Variants in TRIP6 observed in about 807,000 individuals in gnomAD.
TRIP6 encodes thyroid receptor-interacting protein 6.
Under a neutral mutation model 51.9 loss-of-function variants are expected in TRIP6, and 33 were observed. The ratio of observed to expected loss-of-function variants is 0.64; its 90% CI spans 0.48 to 0.85. The LOEUF is 0.85. Among genes scored for constraint, TRIP6 ranks in the 40% least tolerant of loss-of-function variants. The pLI, the probability that TRIP6 is intolerant of heterozygous loss-of-function variation, is 0.00. For synonymous variants in TRIP6, 255 were observed against 275.8 expected, an observed-to-expected ratio of 0.92 and a Z score of 0.75; for missense variants, 661 against 652.1, an observed-to-expected ratio of 1.01 and a Z score of -0.15.
chr7:100,869,103 C>T (rs908544774), intron 4 of TRIP6, among the ~76,000 whole-genome samples: 1 of 151,952 alleles, frequency 6.6e-6, no homozygotes, highest in African/African-American at 2.4e-5. Flanking sequence ...CACGCTGCCA[C>T]GCTTGGTTAA....
chr7:100,870,292 C>T, intron 4 of TRIP6, 78 bp from the exon 5 acceptor site: 1 of 1,452,684 alleles, frequency 6.9e-7, no homozygotes, highest in Non-Finnish European at 9.5e-7. Context: ...CCTAACAGGC[C>T]ATGGCCTGGC....
chr7:100,873,255 C>T lies in TRIP6; in HGVS notation c.1383C>T (p.Ser461=), dbSNP rs144661552. 3.8e-5 allele frequency: 62 copies of T among 1,613,130 alleles called. No homozygotes were observed. Among genetic ancestry groups the T allele is most frequent in the Middle Eastern group, 3.3e-4 (2 of 6,048 alleles). ...GGCACATCTTGTGCAAGGCCTGCAG[C>T]GCCTGGCGCATCCAGGAGCTCTCAG... ...LDGHILCKAC[S]AWRIQELSAT... Residue 461 remains serine (S), a synonymous_variant, in exon 9 of 9, where the codon AGC becomes AGT. Coordinates refer to ENST00000200457, the MANE Select transcript of TRIP6 (RefSeq NM_003302.3).
chr7:100,867,663 C>A lies in TRIP6; in HGVS notation c.109+57C>A. ...CCCAGCTGTGGCGCTCACCTCTGTCCTACCGCTCCAGCCTCCCGCCCTGGC... is the reference window on the plus strand; with the variant it reads ...CCCAGCTGTGGCGCTCACCTCTGTCATACCGCTCCAGCCTCCCGCCCTGGC... On this transcript the variant is annotated intron_variant, in intron 1 of 8. Transcript: ENST00000200457. This position sits in a 1 kb window ranked among gnomAD's most constrained non-coding sequence, Gnocchi z 5.4. 6.4e-7 allele frequency: 1 copy of A among 1,566,382 alleles called. No individual in the cohort carries two copies. The highest frequency in any genetic ancestry group is 8.7e-7 in the Non-Finnish European group (1 of 1,155,872).
rs746328509 is a variant in TRIP6 at position 100,870,427 on chromosome 7, C to T, written c.793C>T (p.His265Tyr). The T allele has an allele frequency of 9.3e-6, 15 of 1,613,100 alleles. No individual in the cohort carries two copies. In the Middle Eastern group the frequency reaches 5.5e-4, roughly 60 times the overall value. Reference protein sequence around the residue: ...ELDRLTKKLVHDMNHPPSGEY... With the variant: ...ELDRLTKKLVYDMNHPPSGEY... ...GGATAGGCTGACGAAGAAGCTGGTT[C>T]ACGACATGAACCACCCGCCCAGCGG... The change falls in exon 5 of 9, where the codon CAC (histidine) becomes TAC (tyrosine). Residue 265 changes from histidine to tyrosine, a missense_variant. His to Tyr is a moderately conservative substitution (Grantham distance 83). Coordinates refer to ENST00000200457, the MANE Select transcript of TRIP6 (RefSeq NM_003302.3).
Position 100,873,174 on chromosome 7 carries a change from G to A in TRIP6, c.1302G>A (p.Glu434=), listed in dbSNP as rs762123196. 10 of 1,611,644 alleles carry A rather than the reference G, an allele frequency of 6.2e-6. No individual in the cohort carries two copies. The East Asian group carries it at 2.0e-4, about 32-fold the overall frequency. The stretch of plus-strand genomic sequence containing the variant: ...AATTGTTGCTTCTTTTTCAACAGGA[G>A]TGTGGGCTGCTGCTCTCCTCTGAGG... ...SFHIGCYKCE[E]CGLLLSSEGE... is the part of the protein sequence containing the mutation. The change falls in exon 9 of 9, where the codon GAG becomes GAA. Residue 434 remains glutamate, a splice_region_variant and synonymous_variant. Coordinates refer to ENST00000200457, the MANE Select transcript of TRIP6 (RefSeq NM_003302.3).
chr7:100,868,536 C>T lies in TRIP6; in HGVS notation c.405C>T (p.Ser135=), dbSNP rs778203697. The part of the protein sequence containing the change: ...PPPPPAYRTG[S]LKPNPASPLP... ...CACCTCCTGCCTACCGCACGGGCTC[C>T]CTGAAGCCAAATCCAGCCTCGCCGC... Residue 135 remains serine (S), a synonymous_variant, in exon 4 of 9, where the codon TCC becomes TCT. Coordinates refer to ENST00000200457, the MANE Select transcript of TRIP6 (RefSeq NM_003302.3). 7 of 1,612,984 alleles carry T rather than the reference C, an allele frequency of 4.3e-6. No homozygotes were observed. The highest frequency in any genetic ancestry group is 8.5e-7 in the Non-Finnish European group (1 of 1,180,024).
chr7:100,870,624 G>A lies in TRIP6; in HGVS notation c.880G>A (p.Val294Met). The part of the protein sequence containing the change: ...EDVVGDGAGV[V>M]ALDRVFHVGC... The stretch of plus-strand genomic sequence containing the variant: ...TGTGGTTGGGGATGGGGCTGGGGTT[G>A]TGGCCCTTGATCGCGTCTTTCACGT... The change falls in exon 6 of 9, where the codon GTG becomes ATG. Residue 294 changes from valine (V) to methionine (M), a missense_variant. Physicochemically the swap from Val to Met is conservative, Grantham distance 21 (BLOSUM62 1). Transcript: ENST00000200457. 1.2e-6 allele frequency: 2 copies of A among 1,614,222 alleles called. No homozygotes were observed. The highest frequency in any genetic ancestry group is 1.7e-6 in the Non-Finnish European group (2 of 1,180,040).
intron 3 of TRIP6, 108 bp from the exon 4 acceptor site, chr7:100,868,387 T>G: frequency 6.3e-7 from 1 of 1,588,250 alleles, no homozygotes; most frequent in Non-Finnish European, 8.6e-7. Context: ...GACGGGACCT[T>G]GTCAAATGCA....
chr7:100,868,670 G>C lies in TRIP6; in HGVS notation c.539G>C (p.Gly180Ala), dbSNP rs202026207. The change falls in exon 4 of 9, where the codon GGC becomes GCC. Residue 180 changes from glycine (G) to alanine (A), a missense_variant. Coordinates refer to ENST00000200457, the MANE Select transcript of TRIP6 (RefSeq NM_003302.3). Reference sequence around the variant, plus strand: ...GTGAAGGTGGCACAGCCAGTGAGGGGCTGCGGCCCACCCAGGCGGGGAGCC... The same window carrying C: ...GTGAAGGTGGCACAGCCAGTGAGGGCCTGCGGCCCACCCAGGCGGGGAGCC... Reference protein sequence around the residue: ...VQVKVAQPVRGCGPPRRGASQ... With the variant: ...VQVKVAQPVRACGPPRRGASQ... The C allele has an allele frequency of 2.5e-6, 4 of 1,606,684 alleles. No individual in the cohort carries two copies. In the Admixed American group the frequency reaches 5.1e-5, roughly 20 times the overall value.
chr7:100,869,739 T>C (rs2115622972), intron 4 of TRIP6, among the ~76,000 whole-genome samples: 1 of 137,002 alleles, frequency 7.3e-6, no homozygotes, highest in South Asian at 2.4e-4. Flanking sequence ...AGAGACATTA[T>C]AGCAGTCCCC....
intron 6 of TRIP6, 33 bp from the exon 7 acceptor site, chr7:100,871,510 G>A (rs750639609): frequency 9.5e-5 from 152 of 1,604,740 alleles, no homozygotes; most frequent in Middle Eastern, 5.9e-4. Flanking sequence ...GCTCCCGCCC[G>A]CTCCCAGATC....
At position 100,873,092 on chromosome 7, in the gene TRIP6, T is replaced by C. The variant is rs909464150; in HGVS notation, c.1300-80T>C. 1.7e-5 allele frequency: 27 copies of C among 1,543,250 alleles called. No individual in the cohort carries two copies. In the Admixed American group the frequency reaches 4.0e-4, roughly 23 times the overall value. The stretch of plus-strand genomic sequence containing the variant: ...TCTTGAACTCCTGACCTTGTGATCC[T>C]CCTGCCTCGGCTTCTCAAAGTGCTG... On this transcript the variant is annotated intron_variant, in intron 8 of 8. Transcript: ENST00000200457.
At chr7:100,871,822 C>T (rs1419087443) in intron 7 of TRIP6, 101 bp downstream of exon 7, 3 of 1,408,202 alleles carry the variant, frequency 2.1e-6, no homozygotes, top group East Asian at 4.7e-5. Context: ...CAACCCTGGC[C>T]CTCCTTCGTT....
At chr7:100,868,300 C>G (rs571450102) in intron 3 of TRIP6, 67 bp downstream of exon 3, 2 of 1,574,592 alleles carry the variant, frequency 1.3e-6, no homozygotes, top group South Asian at 1.1e-5. Context: ...CCAGCCTGAT[C>G]GATCCCCCAT....
Position 100,870,453 on chromosome 7 carries a change from G to T in TRIP6, c.819G>T (p.Gly273=). Residue 273 remains glycine (G), a synonymous_variant, in exon 5 of 9, where the codon GGG becomes GGT. Coordinates refer to ENST00000200457, the MANE Select transcript of TRIP6 (RefSeq NM_003302.3). ...LVHDMNHPPS[G]EYFGQCGGCG... ...ACGACATGAACCACCCGCCCAGCGG[G>T]GAGTACTTTGGTGAGCTGAGGCTGT... 1 of 1,613,444 alleles carries T rather than the reference G, an allele frequency of 6.2e-7. No individual in the cohort carries two copies. The highest frequency in any genetic ancestry group is 8.5e-7 in the Non-Finnish European group (1 of 1,179,756).
chr7:100,867,402 T>C lies in TRIP6; in HGVS notation c.-96T>C. 2.1e-6 allele frequency: 2 copies of C among 953,654 alleles called. No homozygotes were observed. The highest frequency in any genetic ancestry group is 4.0e-5 in the South Asian group (2 of 49,776). 59.1% of individuals were successfully genotyped at this position (953,654 alleles called of 1,614,324 possible). The stretch of plus-strand genomic sequence containing the variant: ...AAAAAAAGCCAGAAAAAGTTTTCTT[T>C]TCTGGAGTCCCAAACGAGGTGCGGG... On this transcript the variant is annotated 5_prime_UTR_variant, in exon 1 of 9. Coordinates refer to ENST00000200457, the MANE Select transcript of TRIP6 (RefSeq NM_003302.3). The surrounding 1 kb of genome is among the most constrained non-coding windows in gnomAD (Gnocchi z 5.4).
Position 100,868,105 on chromosome 7 carries a change from CAG to C in TRIP6, c.238-2_238-1del, listed in dbSNP as rs768868400. Reference sequence around the variant, plus strand: ...ATTCTTCCTGCCCTGGCTCCATCCTCAGGGGCTCCCTGCAGACAGGGGGGGCC... The same window carrying C: ...ATTCTTCCTGCCCTGGCTCCATCCTCGGGCTCCCTGCAGACAGGGGGGGCC... On this transcript the variant is annotated splice_acceptor_variant, in intron 2 of 8. Coordinates refer to ENST00000200457, the MANE Select transcript of TRIP6 (RefSeq NM_003302.3). LOFTEE classifies it high-confidence loss of function. 1 of 1,613,026 alleles carries C rather than the reference CAG, an allele frequency of 6.2e-7. No individual in the cohort carries two copies. Among genetic ancestry groups the C allele is most frequent in the South Asian group, 1.1e-5 (1 of 91,022 alleles).
chr7:100,869,633 A>C (rs926724177), intron 4 of TRIP6, among the ~76,000 whole-genome samples: 5 of 112,562 alleles, frequency 4.4e-5, no homozygotes, highest in African/African-American at 1.5e-4. Context: ...ACTCTGTCTC[A>C]AAAAAAAAAA....
In TRIP6 at chr7:100,868,181, TG is replaced by T. The variant is rs1426662522; in HGVS notation, c.313del (p.Ala105ProfsTer3). Reference protein sequence around the residue: ...DAEIDLLSSTLAELNGGRGHA... With the variant: ...DAEIDLLSSTXAELNGGRGHA... Reference sequence around the variant, plus strand: ...GAGATAGACTTGCTGAGCAGCACGCTGGCCGAGCTGAATGGGGGTCGGGGTC... The same window carrying T: ...GAGATAGACTTGCTGAGCAGCACGCTGCCGAGCTGAATGGGGGTCGGGGTC... On this transcript the variant is annotated frameshift_variant, in exon 3 of 9. Coordinates refer to ENST00000200457, the MANE Select transcript of TRIP6 (RefSeq NM_003302.3). LOFTEE classifies it high-confidence loss of function. 1.2e-6 allele frequency: 2 copies of T among 1,609,312 alleles called. No homozygotes were observed. Among genetic ancestry groups the T allele is most frequent in the African/African-American group, 2.7e-5 (2 of 74,610 alleles).
Sources: gnomAD v4.1 joint callset for allele counts (sites outside exome capture counted in the v4.1 genomes callset) on GRCh38, gnomAD v4.1.1 for gene constraint, Gnocchi (gnomAD v3.1) non-coding constraint, MANE v1.5 for transcripts, NCBI Gene and HGNC (gene_info 2026-07-23, HGNC 2026-07-21) for gene names.